PTPN2: variants seen among roughly 807,000 people sequenced by gnomAD.
PTPN2 encodes tyrosine-protein phosphatase non-receptor type 2.
A neutral mutation model predicts 57.3 loss-of-function variants in PTPN2; 19 were observed. That is an observed-to-expected ratio of 0.33 (90% CI 0.23 to 0.49). The LOEUF is 0.49. PTPN2 is among the 20% of genes least tolerant of loss of function. The pLI, the probability that PTPN2 is intolerant of heterozygous loss-of-function variation, is 0.99. For missense variants in PTPN2, 358 were observed against 501.1 expected, an observed-to-expected ratio of 0.71 and a Z score of 2.73; for synonymous variants, 153 against 164.9, an observed-to-expected ratio of 0.93 and a Z score of 0.55.
intron 2 of PTPN2, among the ~76,000 whole-genome samples, chr18:12,837,116 T>G (rs2042892765): frequency 3.3e-5 from 5 of 152,194 alleles, no homozygotes. Flanking sequence ...CACTTCTGTT[T>G]GTAGCACATT....
intron 2 of PTPN2, among the ~76,000 whole-genome samples, chr18:12,848,089 A>G (rs2043275004): frequency 6.6e-6 from 1 of 152,156 alleles, no homozygotes; most frequent in East Asian, 1.9e-4. Context: ...ATATTTACAT[A>G]ATAGTTACCA....
intron 7 of PTPN2, among the ~76,000 whole-genome samples, chr18:12,813,600 A>C (rs918380031): frequency 6.6e-6 from 1 of 152,210 alleles, no homozygotes; most frequent in African/African-American, 2.4e-5. Flanking sequence ...ATTATGCATC[A>C]ACTTACAGTA....
rs191742049 is a variant in PTPN2 at position 12,826,630 on chromosome 18, G to A, written c.361-686C>T. Among the ~76,000 whole-genome samples, 117 of 152,080 alleles carry A rather than the reference G, an allele frequency of 7.7e-4. 1 individual carries two copies. Among genetic ancestry groups the A allele is most frequent in the African/African-American group, 2.6e-3 (110 of 41,512 alleles). ...GTCGCCCAGGCTGGAATGCAGTGGC[G>A]TGATGTTGGCTCACTGCAACCTCTG... On this transcript the variant is annotated intron_variant, in intron 4 of 8. Transcript: ENST00000309660.
At chr18:12,823,732 A>T (rs1490366359) in intron 5 of PTPN2, among the ~76,000 whole-genome samples, 3 of 152,202 alleles carry the variant, frequency 2.0e-5, no homozygotes, top group Non-Finnish European at 2.9e-5. Context: ...TAGCTAAGTA[A>T]TCGATGGAAA....
downstream of PTPN2, among the ~76,000 whole-genome samples, chr18:12,791,793 G>T (rs2040988633): frequency 6.6e-6 from 1 of 152,144 alleles, no homozygotes; most frequent in African/African-American, 2.4e-5. Flanking sequence ...AAAGCATACA[G>T]AAAGCAAAGC....
intron 2 of PTPN2, among the ~76,000 whole-genome samples, chr18:12,839,244 A>G (rs988586315): frequency 2.0e-5 from 3 of 152,178 alleles, no homozygotes; most frequent in African/African-American, 7.2e-5. Flanking sequence ...CACGGTTTCG[A>G]GTTTGTGAGA....
At chr18:12,869,541 T>C (rs2044115126) in intron 1 of PTPN2, among the ~76,000 whole-genome samples, 1 of 152,220 alleles carries the variant, frequency 6.6e-6, no homozygotes, top group African/African-American at 2.4e-5. Context: ...TAATATTTTA[T>C]TAAATAATGT....
intron 1 of PTPN2, among the ~76,000 whole-genome samples, chr18:12,874,735 G>A (rs1447989814): frequency 2.6e-5 from 4 of 151,182 alleles, no homozygotes; most frequent in African/African-American, 9.7e-5. Context: ...GGTGAGGGGC[G>A]CCTCTGCCCG....
In PTPN2 at chr18:12,785,569, T is replaced by G. The variant is rs150417247; in HGVS notation, c.*254A>C. ...TACAAAGTAATCTCCCCTAATTTAT[T>G]TCTTGTACATCTTTCTACATTTCAT... On this transcript the variant is annotated 3_prime_UTR_variant, in exon 10 of 10. Coordinates refer to the PTPN2 transcript ENST00000327283. The G allele has an allele frequency of 3.3e-3, 1,783 of 544,210 alleles. 30 individuals are homozygous for G. Among genetic ancestry groups the G allele is most frequent in the African/African-American group, 0.031 (1,607 of 51,690 alleles). 33.7% of individuals were successfully genotyped at this position (544,210 alleles called of 1,614,324 possible). A position where few individuals can be genotyped will look rare whatever the true frequency, so the allele number is the denominator to read the frequency against.
downstream of PTPN2, among the ~76,000 whole-genome samples, chr18:12,790,632 C>G (rs2040960622): frequency 6.6e-6 from 1 of 152,136 alleles, no homozygotes. Context: ...AGTAAACCAT[C>G]AATAAATGGT....
chr18:12,792,298 T>TTTG lies in PTPN2; in HGVS notation c.*1979_*1980insCAA, dbSNP rs1261371789. On this transcript the variant is annotated 3_prime_UTR_variant, in exon 9 of 9. Transcript: ENST00000309660. The stretch of plus-strand genomic sequence containing the variant: ...GTTTTCAAACTTTTTTTTTTTTTTT[T>TTTG]TTTGAGACGAAGTCTTGCTCTGTTG... 6 of 937,256 alleles carry TTTG rather than the reference T, an allele frequency of 6.4e-6. No individual in the cohort carries two copies. Among genetic ancestry groups the TTTG allele is most frequent in the Non-Finnish European group, 6.4e-6 (5 of 786,260 alleles). The allele number at this position is 937,256 out of a possible 1,614,324, so 58.1% of individuals were successfully genotyped here.
chr18:12,857,704 C>G (rs992540212), intron 2 of PTPN2, among the ~76,000 whole-genome samples: 2 of 152,122 alleles, frequency 1.3e-5, no homozygotes, highest in Non-Finnish European at 2.9e-5. Context: ...ATTCCCTGAA[C>G]GCACACCCAC....
At chr18:12,870,298 T>C (rs201623597) in intron 1 of PTPN2, among the ~76,000 whole-genome samples, 11,173 of 90,368 alleles carry the variant, frequency 0.12, 1,614 homozygotes, top group African/African-American at 0.17. Flanking sequence ...TACATATATA[T>C]GTGTATATAT....
chr18:12,796,622 A>C (rs948486021), intron 8 of PTPN2, among the ~76,000 whole-genome samples: 2 of 151,976 alleles, frequency 1.3e-5, no homozygotes, highest in Non-Finnish European at 2.9e-5. Context: ...TAGCAATTCC[A>C]CTCCTAGATA....
chr18:12,815,558 A>G (rs1481463778), intron 6 of PTPN2, among the ~76,000 whole-genome samples: 1 of 152,184 alleles, frequency 6.6e-6, no homozygotes, highest in African/African-American at 2.4e-5. Flanking sequence ...CCCCACACCC[A>G]GGCTCACCAA....
intron 7 of PTPN2, among the ~76,000 whole-genome samples, chr18:12,811,236 C>G (rs2041879210): frequency 6.6e-6 from 1 of 152,070 alleles, no homozygotes; most frequent in Admixed American, 6.6e-5. Flanking sequence ...TGCTGTGACC[C>G]CTTATAAAGA....
chr18:12,850,760 A>G (rs1348483988), intron 2 of PTPN2, among the ~76,000 whole-genome samples: 1 of 151,158 alleles, frequency 6.6e-6, no homozygotes, highest in Admixed American at 6.6e-5. Flanking sequence ...TTTTTTTGAG[A>G]CAGAGTTTCG....
At chr18:12,878,750 G>A (rs1329324717) in intron 1 of PTPN2, among the ~76,000 whole-genome samples, 1 of 152,164 alleles carries the variant, frequency 6.6e-6, no homozygotes, top group African/African-American at 2.4e-5. Context: ...AAGAGGCTGA[G>A]GTGAGAGGCT....
intron 1 of PTPN2, chr18:12,880,441 A>T (rs1254555589): frequency 6.6e-6 from 1 of 152,186 alleles, no homozygotes; most frequent in East Asian, 1.9e-4. Flanking sequence ...CCACTTCTTC[A>T]AGTTGGGCTT....
Sources: allele counts gnomAD v4.1 joint callset (sites outside exome capture counted in the v4.1 genomes callset), GRCh38; gene constraint gnomAD v4.1.1; transcripts MANE v1.5; gene names NCBI Gene and HGNC (gene_info 2026-07-23, HGNC 2026-07-21).